The following TAF1B variants were observed in gnomAD, a reference collection of about 807,000 sequenced individuals.
TAF1B encodes the protein TATA-box binding protein associated factor, RNA polymerase I subunit B.
In TAF1B, 61 loss-of-function variants were observed where a neutral mutation model predicts 83.9. That is an observed-to-expected ratio of 0.73 (90% CI 0.59 to 0.90). TAF1B has a LOEUF of 0.90. TAF1B is among the 40% of genes least tolerant of loss of function. TAF1B has a pLI of 0.00. For synonymous variants in TAF1B, 221 were observed against 224.6 expected (o/e 0.98, Z 0.14); for missense variants, 625 against 677.0 (o/e 0.92, Z 0.85).
rs1663632359 is a variant in TAF1B at position 9,858,356 on chromosome 2, A to G, written c.399+3935A>G. 1.3e-5 allele frequency among the ~76,000 whole-genome samples: 2 copies of G among 152,170 alleles called. 1 individual carries two copies. The highest frequency in any genetic ancestry group is 1.3e-4 in the Admixed American group (2 of 15,290). ...CAAGGTCTTGGGCAGCTTTGCTCCT[A>G]TGGCTCTGCAGGGTACAGCCCCCAA... On this transcript the variant is annotated intron_variant, in intron 5 of 14. Transcript: ENST00000263663.
intron 14 of TAF1B, among the ~76,000 whole-genome samples, chr2:9,926,809 A>C (rs1473983595): frequency 3.3e-5 from 5 of 151,454 alleles, no homozygotes; most frequent in Non-Finnish European, 7.4e-5. Flanking sequence ...TGTCTCAAAA[A>C]AAAAAAAAAA....
rs1572215766 is a variant in TAF1B, at chr2:9,854,799, A to G, written c.399+378A>G. 3.9e-5 allele frequency among the ~76,000 whole-genome samples: 6 copies of G among 152,308 alleles called. No individual in the cohort carries two copies. In the South Asian group the frequency reaches 1.2e-3, roughly 32 times the overall value. On this transcript the variant is annotated intron_variant, in intron 5 of 14. Transcript: ENST00000263663. The stretch of plus-strand genomic sequence containing the variant: ...TACTTACTTTATGTGGCATTTCAAG[A>G]TTCAGCTCAGTTATCATATCTTCTC...
chr2:9,897,644 T>G (rs183670021), intron 8 of TAF1B, among the ~76,000 whole-genome samples: 339 of 152,300 alleles, frequency 2.2e-3, no homozygotes, highest in Non-Finnish European at 3.5e-3. Flanking sequence ...ACTGGGTTTC[T>G]TTTGGTTGAA....
At chr2:9,926,019 G>A (rs982215018) in intron 14 of TAF1B, among the ~76,000 whole-genome samples, 3 of 151,928 alleles carry the variant, frequency 2.0e-5, no homozygotes, top group Admixed American at 1.3e-4. Context: ...GAAATTTCTG[G>A]TATACTCAGA....
intron 14 of TAF1B, among the ~76,000 whole-genome samples, chr2:9,925,277 TA>T (rs1244416778): frequency 6.6e-6 from 1 of 151,524 alleles, no homozygotes; most frequent in Admixed American, 6.6e-5. Flanking sequence ...CCATCTCTAC[TA>T]AAATACAAAA....
At chr2:9,845,981 T>C in intron 2 of TAF1B, 1 of 449,392 alleles carries the variant, frequency 2.2e-6, no homozygotes, top group Non-Finnish European at 4.6e-6. Flanking sequence ...AGACTCTGTC[T>C]AAAAAAGAGA....
intron 5 of TAF1B, among the ~76,000 whole-genome samples, chr2:9,863,603 G>A (rs1329635127): frequency 1.3e-5 from 2 of 152,152 alleles, no homozygotes; most frequent in African/African-American, 2.4e-5. Context: ...GGACCTAATA[G>A]ACATCTATAG....
At chr2:9,850,186 T>G (rs1025542871) in intron 3 of TAF1B, among the ~76,000 whole-genome samples, 2 of 152,122 alleles carry the variant, frequency 1.3e-5, no homozygotes, top group African/African-American at 4.8e-5. Flanking sequence ...CTTTTAAATT[T>G]TATTGGAGTA....
chr2:9,886,096 T>A (rs1339614017), intron 8 of TAF1B, among the ~76,000 whole-genome samples: 1 of 149,994 alleles, frequency 6.7e-6, no homozygotes, highest in Non-Finnish European at 1.5e-5. Context: ...TTTGAGGTAG[T>A]ATATTCAAAA....
chr2:9,895,628 T>C (rs1236423956), intron 8 of TAF1B, among the ~76,000 whole-genome samples: 1 of 152,228 alleles, frequency 6.6e-6, no homozygotes, highest in East Asian at 1.9e-4. Flanking sequence ...CATTTTATTC[T>C]TTTTCCATAA....
chr2:9,853,053 TG>T (rs959959369), intron 4 of TAF1B, among the ~76,000 whole-genome samples: 7 of 152,132 alleles, frequency 4.6e-5, no homozygotes, highest in Admixed American at 1.3e-4. Flanking sequence ...TAGCTGATAG[TG>T]GGGGGGTTGT....
intron 1 of TAF1B, 73 bp from the exon 2 acceptor site, chr2:9,845,147 A>G: frequency 9.2e-7 from 1 of 1,084,310 alleles, no homozygotes; most frequent in Non-Finnish European, 1.4e-6. Flanking sequence ...CATTAAATAG[A>G]ACTGCAAGGT....
chr2:9,915,159 CTA>C (rs992552756), intron 12 of TAF1B, among the ~76,000 whole-genome samples: 1 of 152,212 alleles, frequency 6.6e-6, no homozygotes, highest in Non-Finnish European at 1.5e-5. Context: ...CAGAAAATCT[CTA>C]TGCCCTAATT....
At chr2:9,882,829 T>C in intron 8 of TAF1B, 24 bp downstream of exon 8, 1 of 1,523,068 alleles carries the variant, frequency 6.6e-7, no homozygotes. Context: ...TTTTTTACTT[T>C]CTAGTCTCTG....
intron 2 of TAF1B, among the ~76,000 whole-genome samples, chr2:9,847,733 C>T (rs1484220489): frequency 6.6e-6 from 1 of 152,112 alleles, no homozygotes; most frequent in African/African-American, 2.4e-5. Flanking sequence ...AAGGTGTAGG[C>T]TAGACTTGTG....
At chr2:9,855,488 G>A (rs1663534410) in intron 5 of TAF1B, among the ~76,000 whole-genome samples, 1 of 152,122 alleles carries the variant, frequency 6.6e-6, no homozygotes, top group Non-Finnish European at 1.5e-5. Context: ...AGACCGGCCT[G>A]GGTAACATAA....
chr2:9,862,048 A>C (rs1663787872), intron 5 of TAF1B, among the ~76,000 whole-genome samples: 2 of 151,470 alleles, frequency 1.3e-5, no homozygotes, highest in Admixed American at 1.3e-4. Context: ...CCTCTCCTCC[A>C]AAGGAACGCA....
At chr2:9,860,423 C>G (rs1489034355) in intron 5 of TAF1B, among the ~76,000 whole-genome samples, 1 of 152,144 alleles carries the variant, frequency 6.6e-6, no homozygotes, top group Non-Finnish European at 1.5e-5. Flanking sequence ...GCTACAAATT[C>G]AATTTTGACA....
chr2:9,910,910 A>G lies in TAF1B; in HGVS notation c.1130A>G (p.Glu377Gly). The change falls in exon 10 of 15, where the codon GAG becomes GGG. Residue 377 changes from glutamate to glycine, a missense_variant. Transcript: ENST00000263663. ...CTCTTTCTATTGGATGACAGTTTCG[A>G]GTGGTAAGTGTACGTCAATTTTATG... ...KLLFLLDDSF[E>G]WSLSNLAEKH... The G allele has an allele frequency of 6.2e-7, 1 of 1,609,546 alleles. No individual in the cohort carries two copies. Among genetic ancestry groups the G allele is most frequent in the Non-Finnish European group, 8.5e-7 (1 of 1,177,998 alleles).
Sources: gnomAD v4.1 joint callset for allele counts (sites outside exome capture counted in the v4.1 genomes callset) on GRCh38, gnomAD v4.1.1 for gene constraint, MANE v1.5 for transcripts, NCBI Gene and HGNC (gene_info 2026-07-23, HGNC 2026-07-21) for gene names.